Variants in DNMT1 observed in about 807,000 individuals in gnomAD.
The protein encoded by DNMT1 is DNA (cytosine-5)-methyltransferase 1.
Under a neutral mutation model 205.3 loss-of-function variants are expected in DNMT1, and 24 were observed. The ratio of observed to expected loss-of-function variants is 0.12; its 90% CI spans 0.08 to 0.16. The LOEUF (loss-of-function observed/expected upper bound fraction) is 0.16. DNMT1 is among the 10% of genes least tolerant of loss of function. The pLI, the probability that DNMT1 is intolerant of heterozygous loss-of-function variation, is 1.00. For missense variants in DNMT1, 1,293 were observed against 2,177.7 expected (o/e 0.59, Z 8.09); for synonymous variants, 817 against 839.8 (o/e 0.97, Z 0.47).
At chr19:10,144,093 A>G in intron 28 of DNMT1, 106 bp from the exon 29 acceptor site, 1 of 1,134,256 alleles carries the variant, frequency 8.8e-7, no homozygotes, top group Non-Finnish European at 1.3e-6. Flanking sequence ...GCACCTGATG[A>G]ATTAAGGTAG....
rs529074384 is a variant in DNMT1 at position 10,160,041 on chromosome 19, C to A, written c.1066G>T (p.Ala356Ser). 4 of 1,609,294 alleles carry A rather than the reference C, an allele frequency of 2.5e-6. No individual in the cohort carries two copies. The highest frequency in any genetic ancestry group is 1.4e-5 in the African/African-American group (1 of 72,752). Residue 356 changes from alanine to serine, a missense_variant, in exon 15 of 41, where the codon GCC becomes TCC. Around this residue, in one of 13 missense-constraint regions of DNMT1, gnomAD observed 394 missense variants for 451.6 expected, o/e 0.87. Transcript: ENST00000359526. ...ACCTTGGAGTTCATGACTGTTTTGG[C>A]GCGAGCCATTTTTTTCTCCGTTCTG... is the stretch of plus-strand genomic sequence containing the variant. ...KEPTEKKMAR[A>S]KTVMNSKTHP... is the part of the protein sequence containing the mutation.
chr19:10,193,786 T>C (rs1481668484), intron 1 of DNMT1, among the ~76,000 whole-genome samples: 2 of 150,174 alleles, frequency 1.3e-5, no homozygotes, highest in East Asian at 2.0e-4. Flanking sequence ...CCTAAGGAAA[T>C]AGAAAAATGG....
Position 10,138,403 on chromosome 19 carries a change from T to A in DNMT1, c.4115+36A>T. 1 of 1,613,516 alleles carries A rather than the reference T, an allele frequency of 6.2e-7. No individual in the cohort carries two copies. Among genetic ancestry groups the A allele is most frequent in the Non-Finnish European group, 8.5e-7 (1 of 1,180,004 alleles). On this transcript the variant is annotated intron_variant, in intron 35 of 40. Coordinates refer to ENST00000359526, the MANE Select transcript of DNMT1 (RefSeq NM_001130823.3). This position sits in a 1 kb window ranked among gnomAD's most constrained non-coding sequence, Gnocchi z 4.1. Reference sequence around the variant, plus strand: ...GGCCCCATGAGCTACTGAGGCCTGCTCGGCAGTGTGTGGAGGAGCGACGGG... The same window carrying A: ...GGCCCCATGAGCTACTGAGGCCTGCACGGCAGTGTGTGGAGGAGCGACGGG...
chr19:10,148,212 C>T (rs967591505), intron 27 of DNMT1, among the ~76,000 whole-genome samples: 8 of 149,178 alleles, frequency 5.4e-5, no homozygotes, highest in East Asian at 2.0e-4. Context: ...ACAAAAGAAT[C>T]GAGGACAGGT....
At chr19:10,171,837 AAAT>A (rs1385805183) in intron 9 of DNMT1, among the ~76,000 whole-genome samples, 5 of 148,896 alleles carry the variant, frequency 3.4e-5, no homozygotes, top group African/African-American at 1.2e-4. Context: ...ATAAATAAAT[AAAT>A]AAATAAAAAC....
chr19:10,151,578 T>C lies in DNMT1; in HGVS notation c.2118-33A>G. ...GTCACTGGTTATACCTAAGGCCCCT[T>C]TTCTAAGTAAGACCAACCGGGGCTG... On this transcript the variant is annotated intron_variant, in intron 23 of 40. Coordinates refer to ENST00000359526, the MANE Select transcript of DNMT1 (RefSeq NM_001130823.3). This position sits in a 1 kb window ranked among gnomAD's most constrained non-coding sequence, Gnocchi z 5.0. 1 of 1,612,790 alleles carries C rather than the reference T, an allele frequency of 6.2e-7. No individual in the cohort carries two copies. The highest frequency in any genetic ancestry group is 8.5e-7 in the Non-Finnish European group (1 of 1,180,026).
chr19:10,152,758 T>TCAACAACAACAA (rs372179811), intron 22 of DNMT1, among the ~76,000 whole-genome samples: 2 of 150,752 alleles, frequency 1.3e-5, no homozygotes, highest in African/African-American at 2.4e-5. Context: ...GAGACCCATC[T>TCAACAACAACAA]CAACAACAAC....
intron 37 of DNMT1, 55 bp from the exon 38 acceptor site, chr19:10,136,342 G>A (rs140787039): frequency 0.014 from 22,232 of 1,604,896 alleles, 233 homozygotes; most frequent in Non-Finnish European, 0.016. Context: ...ATAGGCTTGG[G>A]ACAGTGGCTC....
intron 1 of DNMT1, among the ~76,000 whole-genome samples, chr19:10,187,646 G>A (rs1050167781): frequency 2.0e-5 from 3 of 151,888 alleles, no homozygotes; most frequent in Non-Finnish European, 2.9e-5. Context: ...GAGGCGGAAG[G>A]ATCACTAGAG....
Position 10,160,197 on chromosome 19 carries a change from C to T in DNMT1, c.1044-134G>A, listed in dbSNP as rs1599372284. ...CGGCTGTGGCAGTGAGGCCCAGGCG[C>T]GTGGTCACAGTGGCTCTTCACCGCA... On this transcript the variant is annotated intron_variant, in intron 14 of 40. Coordinates refer to ENST00000359526, the MANE Select transcript of DNMT1 (RefSeq NM_001130823.3). The T allele has an allele frequency of 1.9e-5, 29 of 1,550,800 alleles. No individual in the cohort carries two copies. The East Asian group carries it at 4.1e-4, about 22-fold the overall frequency.
Position 10,180,017 on chromosome 19 carries a change from A to G in DNMT1, c.493+170T>C, listed in dbSNP as rs4804492. On this transcript the variant is annotated intron_variant, in intron 5 of 40. Coordinates refer to ENST00000359526, the MANE Select transcript of DNMT1 (RefSeq NM_001130823.3). Reference sequence around the variant, plus strand: ...AAAAAAAAAAAAAAAGAAAGAAAGAAAGAGAGTTAAGCAGGGCCAGGCGTG... The same window carrying G: ...AAAAAAAAAAAAAAAGAAAGAAAGAGAGAGAGTTAAGCAGGGCCAGGCGTG... The G allele has an allele frequency of 0.095, 25,931 of 273,018 alleles. 2,434 individuals are homozygous for G. The highest frequency in any genetic ancestry group is 0.32 in the East Asian group (3,230 of 10,204). The allele number at this position is 273,018 out of a possible 1,614,324, so 16.9% of individuals were successfully genotyped here.
In DNMT1 at chr19:10,139,694, G is replaced by A. The variant is rs2145264012; in HGVS notation, c.3930C>T (p.Cys1310=). 5 of 1,613,556 alleles carry A rather than the reference G, an allele frequency of 3.1e-6. No homozygotes were observed. Among genetic ancestry groups the A allele is most frequent in the Non-Finnish European group, 3.4e-6 (4 of 1,179,970 alleles). ...GGCCCACCTGCAGCACGCCGAAGGT[G>A]CACTGATAGCCCATGCGGACCAGGC... The part of the protein sequence containing the change: ...LRCLVRMGYQ[C]TFGVLQAGQY... The change falls in exon 34 of 41, where the codon TGC becomes TGT. Residue 1310 remains cysteine, a synonymous_variant. Coordinates refer to ENST00000359526, the MANE Select transcript of DNMT1 (RefSeq NM_001130823.3).
chr19:10,156,353 A>G lies in DNMT1; in HGVS notation c.1399+38T>C. 1 of 1,542,782 alleles carries G rather than the reference A, an allele frequency of 6.5e-7. No individual in the cohort carries two copies. The highest frequency in any genetic ancestry group is 9.0e-7 in the Non-Finnish European group (1 of 1,117,298). On this transcript the variant is annotated intron_variant, in intron 18 of 40. Coordinates refer to ENST00000359526, the MANE Select transcript of DNMT1 (RefSeq NM_001130823.3). The surrounding 1 kb of genome is among the most constrained non-coding windows in gnomAD (Gnocchi z 4.2). ...TGAGCCACCCTGCCTGGCTGTTTTT[A>G]AAGTGTGCCCCAAACATAATCCCGG...
intron 6 of DNMT1, 123 bp from the exon 7 acceptor site, chr19:10,175,741 A>T: frequency 2.1e-6 from 2 of 948,658 alleles, no homozygotes; most frequent in Non-Finnish European, 3.4e-6. Flanking sequence ...TCTCTGAATG[A>T]CGGGTTTAGA....
intron 25 of DNMT1, 22 bp from the exon 26 acceptor site, chr19:10,149,679 G>A (rs931190021): frequency 6.2e-7 from 1 of 1,613,112 alleles, no homozygotes; most frequent in Non-Finnish European, 8.5e-7. Context: ...AGACGGGCAT[G>A]GGGAGAAAGT....
At chr19:10,145,306 G>A (rs1213947061) in intron 28 of DNMT1, among the ~76,000 whole-genome samples, 9 of 152,186 alleles carry the variant, frequency 5.9e-5, no homozygotes. Context: ...ACTACGGGGA[G>A]GTGTCCCCTT....
chr19:10,162,880 C>T (rs1401762435), intron 12 of DNMT1, 132 bp from the exon 13 acceptor site: 4 of 952,322 alleles, frequency 4.2e-6, no homozygotes, highest in Admixed American at 2.1e-5. Flanking sequence ...TATAGGCACA[C>T]TGCCAGCTTG....
In DNMT1 at chr19:10,134,259, T is replaced by C. The variant is rs760959433; in HGVS notation, c.4822A>G (p.Ile1608Val). ...GCTTTGGCCAACATACAAAGCTTGA[T>C]CTCCAAGCCAATGGCTTTGGCCAGG... ...PPLAKAIGLE[I>V]KLCMLAKARE... Residue 1608 changes from isoleucine to valine, a missense_variant, in exon 40 of 41, where the codon ATC (isoleucine) becomes GTC (valine). Physicochemically the swap from Ile to Val is conservative, Grantham distance 29 (BLOSUM62 3). Coordinates refer to ENST00000359526, the MANE Select transcript of DNMT1 (RefSeq NM_001130823.3). 1 of 1,614,098 alleles carries C rather than the reference T, an allele frequency of 6.2e-7. No homozygotes were observed. Among genetic ancestry groups the C allele is most frequent in the South Asian group, 1.1e-5 (1 of 91,080 alleles).
chr19:10,183,908 A>G (rs2039127970), intron 1 of DNMT1, among the ~76,000 whole-genome samples: 1 of 151,918 alleles, frequency 6.6e-6, no homozygotes, highest in Non-Finnish European at 1.5e-5. Flanking sequence ...AATAAAAATA[A>G]CTGGGTTTGG....
Sources: gnomAD v4.1 joint callset for allele counts (sites outside exome capture counted in the v4.1 genomes callset) on GRCh38, gnomAD v4.1.1 for gene constraint, gnomAD v4.1.1 regional missense constraint, Gnocchi (gnomAD v3.1) non-coding constraint, MANE v1.5 for transcripts, NCBI Gene and HGNC (gene_info 2026-07-23, HGNC 2026-07-21) for gene names.